ALK: variants seen among roughly 807,000 people sequenced by gnomAD.
ALK encodes the protein ALK receptor tyrosine kinase, also known as ALK tyrosine kinase receptor.
A neutral mutation model predicts 163.1 loss-of-function variants in ALK; 74 were observed. That is an observed-to-expected ratio of 0.45 (90% CI 0.38 to 0.55). ALK has a LOEUF of 0.55. Ranked by LOEUF, ALK falls within the 20% of genes least tolerant of loss-of-function variation. The pLI is 0.00. For synonymous variants in ALK, 960 were observed against 843.2 expected, an observed-to-expected ratio of 1.14 and a Z score of -2.40; for missense variants, 2,063 against 2,105.3, an observed-to-expected ratio of 0.98 and a Z score of 0.39.
intron 1 of ALK, among the ~76,000 whole-genome samples, chr2:29,806,637 C>T (rs1015577779): frequency 1.3e-5 from 2 of 152,060 alleles, no homozygotes; most frequent in East Asian, 1.9e-4. Context: ...AGATGTTGTC[C>T]GGAATGCTGG....
At position 29,532,048 on chromosome 2, in the gene ALK, T is replaced by C. The variant is rs755433685; in HGVS notation, c.1021A>G (p.Ser341Gly). The C allele has an allele frequency of 3.1e-6, 5 of 1,613,934 alleles. No individual in the cohort carries two copies. The highest frequency in any genetic ancestry group is 2.2e-5 in the East Asian group (1 of 44,844). ...ACGGCCAGTGTGCAGTGCTCACTGC[T>C]GCTCCTCATCCACGGACTCAGGATG... ...HTILSPWMRSSSEHCTLAVSV... is the reference protein window; with the variant it reads ...HTILSPWMRSGSEHCTLAVSV... The change falls in exon 4 of 29, where the codon AGC becomes GGC. Residue 341 changes from serine (S) to glycine (G), a missense_variant. Around this residue, in one of 5 missense-constraint regions of ALK, gnomAD observed 987 missense variants for 939.5 expected, o/e 1.05. Transcript: ENST00000389048.
intron 4 of ALK, among the ~76,000 whole-genome samples, chr2:29,528,520 T>A (rs550202499): frequency 3.3e-5 from 5 of 152,186 alleles, no homozygotes; most frequent in African/African-American, 1.2e-4. Flanking sequence ...CATAAGCATG[T>A]GCTGTTGCTA....
intron 1 of ALK, among the ~76,000 whole-genome samples, chr2:29,750,697 A>AAGGAAGGAAGGCAGGC (rs1402085327): frequency 9.1e-4 from 77 of 84,588 alleles, no homozygotes; most frequent in East Asian, 3.5e-3. Context: ...GGAAGGAAGG[A>AAGGAAGGAAGGCAGGC]AGGCAGGCAG....
At position 29,246,067 on chromosome 2, in the gene ALK, G is replaced by A. The variant is rs542585434; in HGVS notation, c.2204+5038C>T. ...CTGAAGAGCAGGTGAGCTGTGGGAC[G>A]ACTGCCTTCGGGAGCTATGGGCCAT... On this transcript the variant is annotated intron_variant, in intron 12 of 28. Coordinates refer to ENST00000389048, the MANE Select transcript of ALK (RefSeq NM_004304.5). This position sits in a 1 kb window ranked among gnomAD's most constrained non-coding sequence, Gnocchi z 4.3. Among the ~76,000 whole-genome samples, 6 of 152,322 alleles carry A rather than the reference G, an allele frequency of 3.9e-5. No homozygotes were observed. The East Asian group carries it at 7.7e-4, about 20-fold the overall frequency.
At chr2:29,660,075 C>G (rs550686226) in intron 3 of ALK, among the ~76,000 whole-genome samples, 2 of 152,174 alleles carry the variant, frequency 1.3e-5, no homozygotes, top group Non-Finnish European at 1.5e-5. Flanking sequence ...TGGAAGGAAG[C>G]CTTGTCCTTT....
intron 3 of ALK, among the ~76,000 whole-genome samples, chr2:29,631,757 T>G (rs1223721853): frequency 6.6e-6 from 1 of 152,246 alleles, no homozygotes; most frequent in African/African-American, 2.4e-5. Context: ...GAATAAAGAT[T>G]AGGTATCACA....
intron 12 of ALK, among the ~76,000 whole-genome samples, chr2:29,249,921 G>C (rs550511796): frequency 1.3e-5 from 2 of 152,292 alleles, no homozygotes; most frequent in East Asian, 3.9e-4. Context: ...TTTCTGCCCG[G>C]AGTGCCATTT....
chr2:29,434,615 TA>T (rs1670355009), intron 4 of ALK, among the ~76,000 whole-genome samples: 1 of 152,214 alleles, frequency 6.6e-6, no homozygotes, highest in Non-Finnish European at 1.5e-5. Flanking sequence ...CAATAAGTAA[TA>T]ACAATGGTTT....
intron 3 of ALK, among the ~76,000 whole-genome samples, chr2:29,586,985 G>A (rs1674907394): frequency 6.6e-6 from 1 of 152,162 alleles, no homozygotes; most frequent in Non-Finnish European, 1.5e-5. Context: ...AATCTAGTAG[G>A]ATGAGGTGGG....
At chr2:29,537,367 G>A (rs573295659) in intron 3 of ALK, among the ~76,000 whole-genome samples, 56 of 152,308 alleles carry the variant, frequency 3.7e-4, no homozygotes, top group African/African-American at 1.3e-3. Flanking sequence ...CTTACATTCT[G>A]GCTGTACCAG....
chr2:29,717,756 T>C, intron 1 of ALK, 59 bp from the exon 2 acceptor site: 1 of 1,609,514 alleles, frequency 6.2e-7, no homozygotes, highest in East Asian at 2.2e-5. Context: ...CTTTTAGCTG[T>C]CACTCAATAT....
In ALK at chr2:29,223,328, A is replaced by C. The variant is rs1284524260; in HGVS notation, c.3359+14T>G. The C allele has an allele frequency of 6.2e-7, 1 of 1,613,924 alleles. No homozygotes were observed. Among genetic ancestry groups the C allele is most frequent in the Non-Finnish European group, 8.5e-7 (1 of 1,179,968 alleles). ...TGCACCCCTCTCCTCCCAGGACGGC[A>C]GCAGGGCGCTCACCGAATGAGGGTG... On this transcript the variant is annotated intron_variant, in intron 20 of 28. Coordinates refer to ENST00000389048, the MANE Select transcript of ALK (RefSeq NM_004304.5).
At chr2:29,912,259 A>G (rs1304190144) in intron 1 of ALK, among the ~76,000 whole-genome samples, 1 of 152,178 alleles carries the variant, frequency 6.6e-6, no homozygotes, top group African/African-American at 2.4e-5. Context: ...TCAAAAAACT[A>G]CAAACAGGAT....
intron 3 of ALK, among the ~76,000 whole-genome samples, chr2:29,658,057 T>C (rs969787116): frequency 1.3e-5 from 2 of 152,086 alleles, no homozygotes; most frequent in African/African-American, 4.8e-5. Context: ...GAGAGCTAAC[T>C]ACAAGGCTGA....
At chr2:29,310,742 C>T (rs529949623) in intron 8 of ALK, among the ~76,000 whole-genome samples, 3 of 152,338 alleles carry the variant, frequency 2.0e-5, no homozygotes, top group South Asian at 4.1e-4. Context: ...CCCTCTTGCT[C>T]GGGGTCCGTG....
chr2:29,914,897 A>G (rs1163727492), intron 1 of ALK, among the ~76,000 whole-genome samples: 1 of 152,218 alleles, frequency 6.6e-6, no homozygotes, highest in African/African-American at 2.4e-5. Context: ...CCAGGTGTAT[A>G]CCATTTTGTG....
chr2:29,761,896 AATTTAG>A (rs1304944890), intron 1 of ALK, among the ~76,000 whole-genome samples: 1 of 152,220 alleles, frequency 6.6e-6, no homozygotes, highest in Non-Finnish European at 1.5e-5. Context: ...TTTGGTATCT[AATTTAG>A]ATGGTTTATT....
At chr2:29,394,008 G>T (rs1054403384) in intron 4 of ALK, among the ~76,000 whole-genome samples, 9 of 152,174 alleles carry the variant, frequency 5.9e-5, no homozygotes, top group African/African-American at 2.2e-4. Flanking sequence ...TAAGGAAATG[G>T]ATACTGAACA....
intron 1 of ALK, among the ~76,000 whole-genome samples, chr2:29,860,466 G>A (rs1666251923): frequency 6.6e-6 from 1 of 151,042 alleles, no homozygotes; most frequent in Non-Finnish European, 1.5e-5. Flanking sequence ...AAGATTTCTT[G>A]GATTACACAG....
Sources: allele counts gnomAD v4.1 joint callset (sites outside exome capture counted in the v4.1 genomes callset), GRCh38; gene constraint gnomAD v4.1.1; regional missense constraint gnomAD v4.1.1; non-coding constraint Gnocchi (gnomAD v3.1); transcripts MANE v1.5; gene names NCBI Gene and HGNC (gene_info 2026-07-23, HGNC 2026-07-21).